GFRAL: variants seen among roughly 807,000 people sequenced by gnomAD.
The protein encoded by GFRAL is GDNF family receptor alpha like.
Under a neutral mutation model 45.4 loss-of-function variants are expected in GFRAL, and 36 were observed. The ratio of observed to expected loss-of-function variants is 0.79; its 90% CI spans 0.61 to 1.05. GFRAL has a LOEUF of 1.05. Among genes scored for constraint, GFRAL ranks in the 50% least tolerant of loss-of-function variants. GFRAL has a pLI of 0.00. For missense variants in GFRAL, 507 were observed against 467.5 expected (o/e 1.08, Z -0.78); for synonymous variants, 166 against 154.1 (o/e 1.08, Z -0.57).
At position 55,343,173 on chromosome 6, in the gene GFRAL, A is replaced by G. The variant is rs981178965; in HGVS notation, c.317-6919A>G. On this transcript the variant is annotated intron_variant, in intron 3 of 8. Coordinates refer to ENST00000340465, the MANE Select transcript of GFRAL (RefSeq NM_207410.2). ...AATTGAACTCAGCTCTGCACCAAGC[A>G]GACCTAATAGACATCTACAGAACTC... Among the ~76,000 whole-genome samples the G allele has an allele frequency of 9.8e-5, 15 of 152,306 alleles. No individual in the cohort carries two copies. In the East Asian group the frequency reaches 2.9e-3, roughly 29 times the overall value.
In GFRAL at chr6:55,357,889, ACAAT is replaced by A. The variant is rs141248254; in HGVS notation, c.702-994_702-991del. On this transcript the variant is annotated intron_variant, in intron 5 of 8. Transcript: ENST00000340465. ...TACAGATGTAGTCTCTATCTGAATG[ACAAT>A]CAATACTTCCAAAACTTACATTTAG... Among the ~76,000 whole-genome samples the A allele has an allele frequency of 5.0e-3, 763 of 151,888 alleles. 7 individuals are homozygous for A. The highest frequency in any genetic ancestry group is 0.018 in the African/African-American group (728 of 41,512).
chr6:55,345,815 C>A (rs1190910754), intron 3 of GFRAL, among the ~76,000 whole-genome samples: 1 of 152,048 alleles, frequency 6.6e-6, no homozygotes, highest in African/African-American at 2.4e-5. Context: ...GGGTACTACC[C>A]AGAATCTACA....
At chr6:55,330,699 G>GCCCTGATA (rs1456585498) in intron 1 of GFRAL, among the ~76,000 whole-genome samples, 1 of 152,082 alleles carries the variant, frequency 6.6e-6, no homozygotes, top group Non-Finnish European at 1.5e-5. Flanking sequence ...GAATATGAGA[G>GCCCTGATA]CCCTGATATG....
At chr6:55,368,174 C>T (rs1378690386) in intron 6 of GFRAL, among the ~76,000 whole-genome samples, 1 of 151,824 alleles carries the variant, frequency 6.6e-6, no homozygotes, top group Non-Finnish European at 1.5e-5. Context: ...CTTCCCTTCT[C>T]ACTTCATTTC....
At chr6:55,366,231 G>C (rs1392537784) in intron 6 of GFRAL, among the ~76,000 whole-genome samples, 1 of 151,958 alleles carries the variant, frequency 6.6e-6, no homozygotes, top group Non-Finnish European at 1.5e-5. Context: ...TTTGTGTAGA[G>C]GTGTTTGTAG....
intron 5 of GFRAL, among the ~76,000 whole-genome samples, chr6:55,358,235 CG>C (rs1243116024): frequency 7.9e-5 from 12 of 151,760 alleles, no homozygotes; most frequent in African/African-American, 2.9e-4. Context: ...AAGCAATTTT[CG>C]GTGACAAACA....
At chr6:55,376,170 G>C (rs1768532087) in intron 6 of GFRAL, among the ~76,000 whole-genome samples, 1 of 152,062 alleles carries the variant, frequency 6.6e-6, no homozygotes, top group African/African-American at 2.4e-5. Context: ...TTATTGACTG[G>C]GCTGTATTGA....
chr6:55,352,835 T>C (rs144513410), intron 5 of GFRAL, among the ~76,000 whole-genome samples: 2,007 of 152,152 alleles, frequency 0.013, 23 homozygotes, highest in Non-Finnish European at 0.022. Flanking sequence ...TAGTCGTTTA[T>C]TTATTAATTC....
At chr6:55,333,751 AT>A (rs750358383) in intron 2 of GFRAL, 34 bp from the exon 3 acceptor site, 58 of 1,418,274 alleles carry the variant, frequency 4.1e-5, no homozygotes, top group Non-Finnish European at 4.9e-5. Flanking sequence ...TTATAATCAG[AT>A]TAATATCTAT....
At chr6:55,354,562 G>A (rs1768163058) in intron 5 of GFRAL, among the ~76,000 whole-genome samples, 1 of 151,976 alleles carries the variant, frequency 6.6e-6, no homozygotes, top group African/African-American at 2.4e-5. Context: ...CTTTATAGAG[G>A]TGATGGAAAT....
chr6:55,390,845 G>A (rs982788401), intron 6 of GFRAL, among the ~76,000 whole-genome samples: 6 of 151,638 alleles, frequency 4.0e-5, no homozygotes, highest in South Asian at 2.1e-4. Context: ...CCAAGATCGC[G>A]CCATTGCACT....
chr6:55,332,605 G>T (rs1353958429), intron 2 of GFRAL, among the ~76,000 whole-genome samples: 1 of 151,974 alleles, frequency 6.6e-6, no homozygotes, highest in Non-Finnish European at 1.5e-5. Context: ...TGTATTTTTA[G>T]TAGAGACGGG....
intron 5 of GFRAL, among the ~76,000 whole-genome samples, chr6:55,356,242 G>A (rs1056701494): frequency 6.6e-6 from 1 of 151,918 alleles, no homozygotes; most frequent in African/African-American, 2.4e-5. Flanking sequence ...CAAAGAATGA[G>A]TTTGGAAGTA....
intron 3 of GFRAL, among the ~76,000 whole-genome samples, chr6:55,335,787 C>A (rs1387642459): frequency 1.3e-5 from 2 of 152,078 alleles, no homozygotes; most frequent in African/African-American, 4.8e-5. Flanking sequence ...TGTACTTTTG[C>A]AAATATTTTA....
At chr6:55,375,775 GT>G (rs987651801) in intron 6 of GFRAL, among the ~76,000 whole-genome samples, 3 of 152,106 alleles carry the variant, frequency 2.0e-5, no homozygotes, top group Admixed American at 6.6e-5. Flanking sequence ...AAACAATGGG[GT>G]TTTCTAGATA....
chr6:55,391,535 G>C (rs766752513), intron 6 of GFRAL, among the ~76,000 whole-genome samples: 2 of 152,176 alleles, frequency 1.3e-5, no homozygotes, highest in Non-Finnish European at 2.9e-5. Flanking sequence ...AGGATTGCTT[G>C]AGGCCGGGAG....
chr6:55,346,096 C>G (rs1241426817), intron 3 of GFRAL, among the ~76,000 whole-genome samples: 1 of 152,176 alleles, frequency 6.6e-6, no homozygotes, highest in Non-Finnish European at 1.5e-5. Flanking sequence ...GTTGGTGGGA[C>G]TGTAAACTAG....
chr6:55,362,106 G>A (rs1318679702), intron 6 of GFRAL, among the ~76,000 whole-genome samples: 3 of 151,734 alleles, frequency 2.0e-5, no homozygotes, highest in Non-Finnish European at 4.4e-5. Context: ...TTACTAACAT[G>A]TTGTTCACTG....
intron 5 of GFRAL, among the ~76,000 whole-genome samples, chr6:55,353,362 T>C (rs1768145572): frequency 6.6e-6 from 1 of 152,086 alleles, no homozygotes. Context: ...ACTGGCAAAG[T>C]AGTTCCAGAT....
Sources: allele counts gnomAD v4.1 joint callset (sites outside exome capture counted in the v4.1 genomes callset), GRCh38; gene constraint gnomAD v4.1.1; transcripts MANE v1.5; gene names NCBI Gene and HGNC (gene_info 2026-07-23, HGNC 2026-07-21).